The following GPHN variants were observed in gnomAD, a reference collection of about 807,000 sequenced individuals.
GPHN encodes gephyrin.
In GPHN, 17 loss-of-function variants were observed where a neutral mutation model predicts 95.5. That is an observed-to-expected ratio of 0.18 (90% confidence interval 0.12 to 0.27). The LOEUF (loss-of-function observed/expected upper bound fraction) is 0.27, where lower values mean the gene tolerates loss of function less well. GPHN is among the 10% of genes least tolerant of loss of function. The pLI is 1.00. For missense variants in GPHN, 660 were observed against 978.1 expected, an observed-to-expected ratio of 0.67 and a Z score of 4.34; for synonymous variants, 320 against 322.5, an observed-to-expected ratio of 0.99 and a Z score of 0.08.
intron 10 of GPHN, among the ~76,000 whole-genome samples, chr14:67,037,489 CA>C (rs1022510828): frequency 6.6e-6 from 1 of 151,744 alleles, no homozygotes; most frequent in Non-Finnish European, 1.5e-5. Context: ...TCAAAGGAAA[CA>C]ATCAGCAGAG....
At chr14:67,316,560 A>G in the GPHN span, among the ~76,000 whole-genome samples, 2 of 152,168 alleles carry the variant, frequency 1.3e-5, no homozygotes, top group Admixed American at 6.5e-5. Context: ...GCTCAATGAA[A>G]CCTTTTAAAA....
intron 2 of GPHN, among the ~76,000 whole-genome samples, chr14:66,723,582 C>T (rs1185884280): frequency 6.6e-6 from 1 of 151,900 alleles, no homozygotes; most frequent in African/African-American, 2.4e-5. Context: ...TTGTTTTTGC[C>T]TTTTTAAAGT....
chr14:66,682,408 G>A lies in GPHN; in HGVS notation c.143+1223G>A, dbSNP rs947018368. The stretch of plus-strand genomic sequence containing the variant: ...GAGTTCTACTATCCTTATGGATATG[G>A]GTGGAAACTTTACAATTTCCTCAAA... On this transcript the variant is annotated intron_variant, in intron 2 of 22. Coordinates refer to ENST00000478722, the MANE Select transcript of GPHN (RefSeq NM_020806.5). Among the ~76,000 whole-genome samples the A allele has an allele frequency of 2.6e-5, 4 of 152,000 alleles. No homozygotes were observed. In the East Asian group the frequency reaches 5.8e-4, roughly 22 times the overall value.
the GPHN span, among the ~76,000 whole-genome samples, chr14:67,392,130 CAT>C: frequency 1.4e-4 from 22 of 152,266 alleles, no homozygotes; most frequent in East Asian, 5.8e-4. Context: ...GTCTGGTACA[CAT>C]GTGTGTGTGA....
At chr14:66,517,364 G>A (rs2058291433) in intron 1 of GPHN, among the ~76,000 whole-genome samples, 1 of 152,014 alleles carries the variant, frequency 6.6e-6, no homozygotes, top group South Asian at 2.1e-4. Context: ...ACTACCCAAA[G>A]CAATCTACAG....
At chr14:66,661,935 C>T (rs953272469) in intron 1 of GPHN, among the ~76,000 whole-genome samples, 1 of 152,190 alleles carries the variant, frequency 6.6e-6, no homozygotes, top group African/African-American at 2.4e-5. Context: ...AGTCCCCGAT[C>T]TATTCCTCCT....
intron 1 of GPHN, among the ~76,000 whole-genome samples, chr14:66,540,940 A>AT (rs762497506): frequency 6.6e-6 from 1 of 150,634 alleles, no homozygotes; most frequent in East Asian, 2.0e-4. Flanking sequence ...TGCCTGGCTA[A>AT]TTTTTTTTTC....
intron 8 of GPHN, among the ~76,000 whole-genome samples, chr14:66,950,378 A>G (rs2068032475): frequency 6.6e-6 from 1 of 152,146 alleles, no homozygotes; most frequent in South Asian, 2.1e-4. Flanking sequence ...TACATTGCCA[A>G]ATTGCAATTT....
chr14:67,259,763 T>C, the GPHN span, among the ~76,000 whole-genome samples: 2 of 151,638 alleles, frequency 1.3e-5, no homozygotes, highest in African/African-American at 4.8e-5. Flanking sequence ...TAAAATAAAA[T>C]TAGCCAGGCA....
At chr14:67,172,850 GC>G (rs1222372839) in intron 21 of GPHN, among the ~76,000 whole-genome samples, 1 of 152,104 alleles carries the variant, frequency 6.6e-6, no homozygotes, top group African/African-American at 2.4e-5. Flanking sequence ...ATTCTACCAA[GC>G]CCCACCAGCA....
At chr14:66,823,950 A>G (rs773876086) in intron 3 of GPHN, among the ~76,000 whole-genome samples, 5 of 152,236 alleles carry the variant, frequency 3.3e-5, no homozygotes, top group Non-Finnish European at 7.3e-5. Flanking sequence ...ATGGGTTGAT[A>G]GAATTAGCAA....
chr14:67,175,254 A>G (rs1039437048), intron 21 of GPHN, among the ~76,000 whole-genome samples: 2 of 152,160 alleles, frequency 1.3e-5, no homozygotes, highest in African/African-American at 2.4e-5. Flanking sequence ...TAATTTTTGT[A>G]TAAGGTGTAA....
chr14:67,401,058 G>C, the GPHN span, among the ~76,000 whole-genome samples: 5 of 152,122 alleles, frequency 3.3e-5, no homozygotes, highest in East Asian at 7.7e-4. Flanking sequence ...TCCAAAATTC[G>C]TATGTTGAAT....
intron 1 of GPHN, among the ~76,000 whole-genome samples, chr14:66,576,874 A>G (rs116904308): frequency 0.012 from 1,845 of 152,332 alleles, 20 homozygotes; most frequent in Non-Finnish European, 0.018. Flanking sequence ...AACCATTTAA[A>G]TAATTCATAA....
chr14:67,316,593 A>G, the GPHN span, among the ~76,000 whole-genome samples: 1 of 152,202 alleles, frequency 6.6e-6, no homozygotes, highest in Non-Finnish European at 1.5e-5. Flanking sequence ...AAATTTTTAA[A>G]TATTTTAGTA....
chr14:67,610,680 C>T, the GPHN span, among the ~76,000 whole-genome samples: 37 of 152,228 alleles, frequency 2.4e-4, no homozygotes, highest in African/African-American at 8.7e-4. Context: ...CCCCCTGGTC[C>T]TGACATCACC....
the GPHN span, among the ~76,000 whole-genome samples, chr14:67,406,942 TA>T: frequency 2.6e-5 from 4 of 152,144 alleles, no homozygotes; most frequent in Non-Finnish European, 5.9e-5. Flanking sequence ...TTCTTGTCTG[TA>T]ATCCGCTGGC....
chr14:66,918,347 C>T (rs1276396846), intron 6 of GPHN, among the ~76,000 whole-genome samples: 1 of 152,124 alleles, frequency 6.6e-6, no homozygotes, highest in Non-Finnish European at 1.5e-5. Context: ...CAAACACTTA[C>T]TGCCAGTGTG....
the GPHN span, among the ~76,000 whole-genome samples, chr14:67,346,180 T>C: frequency 2.0e-5 from 3 of 152,226 alleles, no homozygotes; most frequent in African/African-American, 7.2e-5. Context: ...CAGAGTACGA[T>C]GACACTCTGT....
Sources: gnomAD v4.1 joint callset for allele counts (sites outside exome capture counted in the v4.1 genomes callset) on GRCh38, gnomAD v4.1.1 for gene constraint, MANE v1.5 for transcripts, NCBI Gene and HGNC (gene_info 2026-07-23, HGNC 2026-07-21) for gene names.